The following CNTNAP5 variants were observed in gnomAD, a reference collection of about 807,000 sequenced individuals.
The protein encoded by CNTNAP5 is contactin associated protein family member 5.
A neutral mutation model predicts 150.2 loss-of-function variants in CNTNAP5; 72 were observed. The observed-to-expected ratio is 0.48, with a 90% confidence interval of 0.40 to 0.58. CNTNAP5 has a LOEUF of 0.58. Ranked by LOEUF, CNTNAP5 falls within the 20% of genes least tolerant of loss-of-function variation. CNTNAP5 has a pLI of 0.00. For missense variants in CNTNAP5, 1,636 were observed against 1,626.2 expected, an observed-to-expected ratio of 1.01 and a Z score of -0.10; for synonymous variants, 672 against 619.8, an observed-to-expected ratio of 1.08 and a Z score of -1.25.
chr2:124,261,101 A>T (rs1156999422), intron 3 of CNTNAP5, among the ~76,000 whole-genome samples: 1 of 152,202 alleles, frequency 6.6e-6, no homozygotes, highest in Non-Finnish European at 1.5e-5. Flanking sequence ...CAATTTAAGA[A>T]ATAAAATTGT....
intron 1 of CNTNAP5, among the ~76,000 whole-genome samples, chr2:124,160,985 T>C (rs1231088722): frequency 6.6e-6 from 1 of 152,026 alleles, no homozygotes; most frequent in South Asian, 2.1e-4. Context: ...CCATCTATAA[T>C]GCAATTAAAA....
At chr2:124,215,063 G>A (rs778129012) in intron 1 of CNTNAP5, among the ~76,000 whole-genome samples, 1 of 152,142 alleles carries the variant, frequency 6.6e-6, no homozygotes. Flanking sequence ...TAGGTAACAA[G>A]GGGAAAAATA....
intron 1 of CNTNAP5, among the ~76,000 whole-genome samples, chr2:124,106,406 C>A (rs180771730): frequency 2.0e-5 from 3 of 152,164 alleles, no homozygotes; most frequent in African/African-American, 7.2e-5. Context: ...TAAGCCCGAC[C>A]TCCCAACCTC....
intron 8 of CNTNAP5, among the ~76,000 whole-genome samples, chr2:124,522,718 A>G (rs1166746837): frequency 6.6e-6 from 1 of 152,142 alleles, no homozygotes; most frequent in East Asian, 1.9e-4. Flanking sequence ...CCTCTGGGTG[A>G]TTGGATCCTC....
intron 3 of CNTNAP5, among the ~76,000 whole-genome samples, chr2:124,293,508 TAA>T (rs745898328): frequency 8.5e-5 from 13 of 152,242 alleles, no homozygotes; most frequent in African/African-American, 2.9e-4. Flanking sequence ...TTTAAATAAC[TAA>T]AAGAATATCA....
chr2:124,508,807 C>T (rs749302266), intron 8 of CNTNAP5, among the ~76,000 whole-genome samples: 2 of 152,154 alleles, frequency 1.3e-5, no homozygotes, highest in Non-Finnish European at 2.9e-5. Context: ...TTTGTGTATT[C>T]TTCGATTTTC....
chr2:124,243,924 A>G (rs1227293901), intron 3 of CNTNAP5, among the ~76,000 whole-genome samples: 3 of 152,158 alleles, frequency 2.0e-5, no homozygotes, highest in African/African-American at 7.2e-5. Flanking sequence ...TTAGTTTGAG[A>G]TAAGAAATAA....
intron 11 of CNTNAP5, among the ~76,000 whole-genome samples, chr2:124,600,532 C>G (rs1696961217): frequency 6.6e-6 from 1 of 152,126 alleles, no homozygotes; most frequent in Non-Finnish European, 1.5e-5. Context: ...CTGTGCTATG[C>G]TCTTGCACCT....
At position 124,249,612 on chromosome 2, in the gene CNTNAP5, C is replaced by T. The variant is rs552264650; in HGVS notation, c.381+7219C>T. Among the ~76,000 whole-genome samples the T allele has an allele frequency of 2.5e-4, 38 of 152,264 alleles. No individual in the cohort carries two copies. The South Asian group carries it at 7.7e-3, about 31-fold the overall frequency. On this transcript the variant is annotated intron_variant, in intron 3 of 23. Coordinates refer to ENST00000682447, the MANE Select transcript of CNTNAP5 (RefSeq NM_001367498.1). ...GTTGTCCCGCCTTTATGAACCAAACCAATGTGTTTCTTAAATGTATTTGAT... is the reference window on the plus strand; with the variant it reads ...GTTGTCCCGCCTTTATGAACCAAACTAATGTGTTTCTTAAATGTATTTGAT...
intron 13 of CNTNAP5, among the ~76,000 whole-genome samples, chr2:124,746,541 G>A (rs1680606778): frequency 1.3e-5 from 2 of 152,028 alleles, no homozygotes; most frequent in South Asian, 2.1e-4. Flanking sequence ...TAGAACTAAT[G>A]ATGTCTTTTT....
chr2:124,830,060 C>A (rs1434207005), intron 19 of CNTNAP5, among the ~76,000 whole-genome samples: 1 of 151,436 alleles, frequency 6.6e-6, no homozygotes, highest in East Asian at 1.9e-4. Flanking sequence ...TGATTTATAG[C>A]AATAACATAC....
intron 3 of CNTNAP5, among the ~76,000 whole-genome samples, chr2:124,388,593 C>T (rs950721035): frequency 6.6e-6 from 1 of 152,184 alleles, no homozygotes; most frequent in African/African-American, 2.4e-5. Flanking sequence ...TATATGTTCC[C>T]GCTCCTTGTC....
chr2:124,086,283 G>A (rs1349097379), intron 1 of CNTNAP5, among the ~76,000 whole-genome samples: 4 of 136,356 alleles, frequency 2.9e-5, no homozygotes, highest in East Asian at 2.4e-4. Context: ...TGCAAGCTCC[G>A]CCTCCCGGCT....
At chr2:124,559,538 T>C (rs1159051331) in intron 10 of CNTNAP5, among the ~76,000 whole-genome samples, 1 of 152,204 alleles carries the variant, frequency 6.6e-6, no homozygotes, top group East Asian at 1.9e-4. Flanking sequence ...ATCGTTAGGA[T>C]TTTAGAAGAC....
chr2:124,918,657 A>G lies in CNTNAP5; in HGVS notation c.*4369A>G, dbSNP rs1250962156. On this transcript the variant is annotated 3_prime_UTR_variant, in exon 24 of 24. Coordinates refer to ENST00000682447, the MANE Select transcript of CNTNAP5 (RefSeq NM_001367498.1). The stretch of plus-strand genomic sequence containing the variant: ...TTAAGCTTCCCCATAGCTACCATCC[A>G]TCAAAACCTCATTGCAGCTGTAGCC... Among the ~76,000 whole-genome samples, 3 of 152,064 alleles carry G rather than the reference A, an allele frequency of 2.0e-5. No homozygotes were observed. Among genetic ancestry groups the G allele is most frequent in the Admixed American group, 2.0e-4 (3 of 15,246 alleles).
intron 1 of CNTNAP5, among the ~76,000 whole-genome samples, chr2:124,139,925 T>G (rs529734748): frequency 0.025 from 3,865 of 152,140 alleles, 181 homozygotes; most frequent in African/African-American, 0.087. Flanking sequence ...CAGGCCAGTG[T>G]GTGCGCGCAC....
At chr2:124,618,009 G>A (rs1160816716) in intron 12 of CNTNAP5, among the ~76,000 whole-genome samples, 1 of 152,124 alleles carries the variant, frequency 6.6e-6, no homozygotes, top group African/African-American at 2.4e-5. Context: ...ATGTTTTTAG[G>A]AGTCACCAAC....
chr2:124,146,942 A>C (rs1201036346), intron 1 of CNTNAP5, among the ~76,000 whole-genome samples: 1 of 152,182 alleles, frequency 6.6e-6, no homozygotes, highest in Non-Finnish European at 1.5e-5. Context: ...TGGGGAGCTC[A>C]CATTTGAGTG....
At chr2:124,361,304 C>T (rs1690191133) in intron 3 of CNTNAP5, among the ~76,000 whole-genome samples, 1 of 144,950 alleles carries the variant, frequency 6.9e-6, no homozygotes, top group African/African-American at 2.6e-5. Context: ...CTCCTTCTCT[C>T]AGCTCATCAA....
Sources: gnomAD v4.1 joint callset for allele counts (sites outside exome capture counted in the v4.1 genomes callset) on GRCh38, gnomAD v4.1.1 for gene constraint, MANE v1.5 for transcripts, NCBI Gene and HGNC (gene_info 2026-07-23, HGNC 2026-07-21) for gene names.